Variants in SLC38A10 observed in about 807,000 individuals in gnomAD.
The protein encoded by SLC38A10 is solute carrier family 38 member 10, also known as Sodium-coupled neutral amino acid transporter 10.
Under a neutral mutation model 81.0 loss-of-function variants are expected in SLC38A10, and 53 were observed. The observed-to-expected ratio is 0.65, with a 90% CI of 0.53 to 0.82. The LOEUF (loss-of-function observed/expected upper bound fraction) is 0.82. Ranked by LOEUF, SLC38A10 falls within the 40% of genes least tolerant of loss-of-function variation. SLC38A10 has a pLI of 0.00. For missense variants in SLC38A10, 1,471 were observed against 1,545.0 expected (o/e 0.95, Z 0.80); for synonymous variants, 665 against 655.3 (o/e 1.01, Z -0.23).
chr17:81,283,444 C>T lies in SLC38A10; in HGVS notation c.322G>A (p.Gly108Arg). ...AACAGCCGGGCAAAGAAGTTGGACCCCAAGTCGCCGATCACGACGTAGAAG... is the reference window on the plus strand; with the variant it reads ...AACAGCCGGGCAAAGAAGTTGGACCTCAAGTCGCCGATCACGACGTAGAAG... ...IAFYVVIGDL[G>R]SNFFARLFGF... Residue 108 changes from glycine (G) to arginine (R), a missense_variant, in exon 4 of 16, where the codon GGG becomes AGG. Gly to Arg is a moderately radical substitution (Grantham distance 125). This residue lies in a region of SLC38A10 where 720 missense variants were observed against 827.7 expected (regional missense o/e 0.87). Transcript: ENST00000374759. The surrounding 1 kb of genome is among the most constrained non-coding windows in gnomAD (Gnocchi z 4.7). The T allele has an allele frequency of 1.2e-6, 2 of 1,612,474 alleles. No individual in the cohort carries two copies. Among genetic ancestry groups the T allele is most frequent in the Non-Finnish European group, 8.5e-7 (1 of 1,179,252 alleles).
In SLC38A10 at chr17:81,277,917, C is replaced by A. The variant is rs1356607648; in HGVS notation, c.627-784G>T. On this transcript the variant is annotated intron_variant, in intron 6 of 15. Transcript: ENST00000374759. This position sits in a 1 kb window ranked among gnomAD's most constrained non-coding sequence, Gnocchi z 4.5. ...AGGTGAGAGCTGCTCTGCCATGGGG[C>A]TGAACGAGGACTCTGGAGTGGGAGT... Among the ~76,000 whole-genome samples the A allele has an allele frequency of 6.6e-6, 1 of 152,018 alleles. No homozygotes were observed. The highest frequency in any genetic ancestry group is 2.4e-5 in the African/African-American group (1 of 41,392).
At chr17:81,290,626 G>C (rs966244153) in intron 1 of SLC38A10, among the ~76,000 whole-genome samples, 1 of 152,182 alleles carries the variant, frequency 6.6e-6, no homozygotes, top group Non-Finnish European at 1.5e-5. Flanking sequence ...TGATGACAAA[G>C]GGGCACATGG....
intron 8 of SLC38A10, among the ~76,000 whole-genome samples, chr17:81,274,481 G>A (rs978988545): frequency 1.3e-5 from 2 of 152,236 alleles, no homozygotes; most frequent in African/African-American, 2.4e-5. Flanking sequence ...AACAGTTCAA[G>A]AGGAACGTGT....
intron 10 of SLC38A10, among the ~76,000 whole-genome samples, chr17:81,261,988 T>C (rs7224668): frequency 0.62 from 93,781 of 152,166 alleles, 30,727 homozygotes; most frequent in African/African-American, 0.85. Flanking sequence ...CCTTCAGCCA[T>C]GTTACATCTT....
chr17:81,295,234 G>C lies in SLC38A10; in HGVS notation c.-313C>G. On this transcript the variant is annotated 5_prime_UTR_variant, in exon 1 of 16. Transcript: ENST00000374759. ...GGCCGCCTGTGAATCTCCGAGCCCA[G>C]ACCCGGAAGAGCCGCAGAGCCAGCT... is the stretch of plus-strand genomic sequence containing the variant. The C allele has an allele frequency of 5.8e-6, 1 of 172,600 alleles. No individual in the cohort carries two copies. Among genetic ancestry groups the C allele is most frequent in the Non-Finnish European group, 1.2e-5 (1 of 81,692 alleles). The allele number at this position is 172,600 out of a possible 1,614,324, so 10.7% of individuals were successfully genotyped here. A position where few individuals can be genotyped will look rare whatever the true frequency, so the allele number is the denominator to read the frequency against.
Position 81,253,095 on chromosome 17 carries a change from T to G in SLC38A10, c.1434A>C (p.Ala478=). 2 of 1,613,606 alleles carry G rather than the reference T, an allele frequency of 1.2e-6. No homozygotes were observed. Among genetic ancestry groups the G allele is most frequent in the Non-Finnish European group, 1.7e-6 (2 of 1,180,010 alleles). ...CACCTTGCCCAGGGCGATCGAGCTG[T>G]GCCTCCTCCGGTGCCTCCTTGCCAT... ...REDGKEAPEE[A]QLDRPGQGIA... Residue 478 remains alanine (A), a synonymous_variant, in exon 12 of 16, where the codon GCA becomes GCC. Transcript: ENST00000374759. This position sits in a 1 kb window ranked among gnomAD's most constrained non-coding sequence, Gnocchi z 4.1.
chr17:81,290,572 G>A (rs2063302437), intron 1 of SLC38A10, among the ~76,000 whole-genome samples: 1 of 152,190 alleles, frequency 6.6e-6, no homozygotes, highest in Non-Finnish European at 1.5e-5. Context: ...TTAGGCCAGG[G>A]AACAGCTCAG....
intron 1 of SLC38A10, among the ~76,000 whole-genome samples, chr17:81,293,428 C>T (rs1363746509): frequency 2.0e-5 from 3 of 152,226 alleles, no homozygotes; most frequent in African/African-American, 7.2e-5. Context: ...ACACAACAGC[C>T]TGGAGGGCTG....
chr17:81,283,709 G>T lies in SLC38A10; in HGVS notation c.264-207C>A, dbSNP rs1444611627. ...GCTCACTGCAAGCTCCGCCTCCCAG[G>T]TTCACGCCATTCTCCTGCCTCAGCC... On this transcript the variant is annotated intron_variant, in intron 3 of 15. Transcript: ENST00000374759. The surrounding 1 kb of genome is among the most constrained non-coding windows in gnomAD (Gnocchi z 4.7). Among the ~76,000 whole-genome samples the T allele has an allele frequency of 6.6e-6, 1 of 151,742 alleles. No homozygotes were observed. Among genetic ancestry groups the T allele is most frequent in the African/African-American group, 2.4e-5 (1 of 41,330 alleles).
At position 81,245,582 on chromosome 17, in the gene SLC38A10, CCTGT is replaced by C. The variant is rs1192801556; in HGVS notation, c.3330_3333del (p.Gln1111ArgfsTer14). The C allele has an allele frequency of 1.2e-6, 2 of 1,610,010 alleles. No homozygotes were observed. The highest frequency in any genetic ancestry group is 2.2e-5 in the East Asian group (1 of 44,832). On this transcript the variant is annotated frameshift_variant, in exon 16 of 16. Transcript: ENST00000374759. LOFTEE classifies it high-confidence loss of function. Reference sequence around the variant, plus strand: ...TAGGACTCCTCTGGAGGCCCAGGCGCCTGTCTAAGCTGCCGGCTGTGGACCACCT... The same window carrying C: ...TAGGACTCCTCTGGAGGCCCAGGCGCCTAAGCTGCCGGCTGTGGACCACCT...
chr17:81,295,183 C>G lies in SLC38A10; in HGVS notation c.-262G>C, dbSNP rs1044829371. The G allele has an allele frequency of 3.9e-5, 11 of 284,718 alleles. No homozygotes were observed. Among genetic ancestry groups the G allele is most frequent in the African/African-American group, 2.5e-4 (11 of 44,168 alleles). 17.6% of individuals were successfully genotyped at this position (284,718 alleles called of 1,614,324 possible). A position where few individuals can be genotyped will look rare whatever the true frequency, so the allele number is the denominator to read the frequency against. ...GCCAAGCCCTGCGGCCGCCTCAGGG[C>G]CATGCGTCCCTCGCTCGGCCTCGCG... On this transcript the variant is annotated 5_prime_UTR_variant, in exon 1 of 16. Coordinates refer to ENST00000374759, the MANE Select transcript of SLC38A10 (RefSeq NM_001037984.3).
intron 12 of SLC38A10, 58 bp from the exon 13 acceptor site, chr17:81,252,741 G>A: frequency 6.6e-7 from 1 of 1,526,548 alleles, no homozygotes; most frequent in South Asian, 1.3e-5. Context: ...CCCTTCCCAG[G>A]GAATTAGAAC....
chr17:81,292,857 T>C (rs1276485638), intron 1 of SLC38A10, among the ~76,000 whole-genome samples: 1 of 152,132 alleles, frequency 6.6e-6, no homozygotes, highest in Non-Finnish European at 1.5e-5. Flanking sequence ...GATGACAGCA[T>C]TTGGGGCCAG....
Position 81,253,632 on chromosome 17 carries a change from C to T in SLC38A10, c.1289-392G>A, listed in dbSNP as rs1598382069. Among the ~76,000 whole-genome samples the T allele has an allele frequency of 6.6e-6, 1 of 151,792 alleles. No homozygotes were observed. Among genetic ancestry groups the T allele is most frequent in the African/African-American group, 2.4e-5 (1 of 41,288 alleles). ...TCACCGCTATCATCACCATCATCTCCATCCCTACCACCATCAACATCACCA... is the reference window on the plus strand; with the variant it reads ...TCACCGCTATCATCACCATCATCTCTATCCCTACCACCATCAACATCACCA... On this transcript the variant is annotated intron_variant, in intron 11 of 15. Coordinates refer to ENST00000374759, the MANE Select transcript of SLC38A10 (RefSeq NM_001037984.3). The surrounding 1 kb of genome is among the most constrained non-coding windows in gnomAD (Gnocchi z 4.1).
chr17:81,250,936 G>C, intron 14 of SLC38A10: 2 of 1,244,196 alleles, frequency 1.6e-6, no homozygotes, highest in Non-Finnish European at 2.0e-6. Flanking sequence ...TTTCCTGGAG[G>C]GACAGGTGAC....
At chr17:81,256,737 T>A (rs1300640532) in intron 11 of SLC38A10, among the ~76,000 whole-genome samples, 1 of 152,258 alleles carries the variant, frequency 6.6e-6, no homozygotes, top group Non-Finnish European at 1.5e-5. Flanking sequence ...TTTCCCTTGA[T>A]GCTGCCATGA....
chr17:81,274,106 T>A (rs1002542894), intron 8 of SLC38A10, among the ~76,000 whole-genome samples: 2 of 152,230 alleles, frequency 1.3e-5, no homozygotes, highest in Non-Finnish European at 2.9e-5. Flanking sequence ...GCTGCTCAGG[T>A]ACAAAACATC....
At position 81,260,230 on chromosome 17, in the gene SLC38A10, G is replaced by A; in HGVS notation, c.1288+8C>T. On this transcript the variant is annotated splice_region_variant and intron_variant, in intron 11 of 15. Coordinates refer to ENST00000374759, the MANE Select transcript of SLC38A10 (RefSeq NM_001037984.3). ...CTGAGAAGGCTCAGAGAGCCAGGGTGGGCATACCTGAGAGCCGCGCTGCCT... is the reference window on the plus strand; with the variant it reads ...CTGAGAAGGCTCAGAGAGCCAGGGTAGGCATACCTGAGAGCCGCGCTGCCT... The A allele has an allele frequency of 6.3e-7, 1 of 1,596,712 alleles. No homozygotes were observed. Among genetic ancestry groups the A allele is most frequent in the Non-Finnish European group, 8.5e-7 (1 of 1,172,612 alleles).
At chr17:81,255,060 TG>T (rs2062959378) in intron 11 of SLC38A10, among the ~76,000 whole-genome samples, 1 of 152,258 alleles carries the variant, frequency 6.6e-6, no homozygotes, top group Admixed American at 6.5e-5. Flanking sequence ...GAGCTCTGTG[TG>T]GGTGCAGGAG....
Sources: gnomAD v4.1 joint callset for allele counts (sites outside exome capture counted in the v4.1 genomes callset) on GRCh38, gnomAD v4.1.1 for gene constraint, gnomAD v4.1.1 regional missense constraint, Gnocchi (gnomAD v3.1) non-coding constraint, MANE v1.5 for transcripts, NCBI Gene and HGNC (gene_info 2026-07-23, HGNC 2026-07-21) for gene names.